SCAPER: variants seen among roughly 807,000 people sequenced by gnomAD.
SCAPER encodes S phase cyclin A-associated protein in the endoplasmic reticulum.
A neutral mutation model predicts 182.2 loss-of-function variants in SCAPER; 98 were observed. The ratio of observed to expected loss-of-function variants is 0.54; its 90% CI spans 0.46 to 0.64. SCAPER has a LOEUF of 0.64. Ranked by LOEUF, SCAPER falls within the 30% of genes least tolerant of loss-of-function variation. The pLI is 0.00. For missense variants in SCAPER, 1,432 were observed against 1,690.0 expected (o/e 0.85, Z 2.68); for synonymous variants, 605 against 564.6 (o/e 1.07, Z -1.01).
chr15:76,525,866 T>C (rs560105215), intron 23 of SCAPER, among the ~76,000 whole-genome samples: 1 of 152,306 alleles, frequency 6.6e-6, no homozygotes, highest in South Asian at 2.1e-4. Context: ...TTCTTTTGGG[T>C]ATACACCCAA....
intron 14 of SCAPER, among the ~76,000 whole-genome samples, chr15:76,761,833 A>C (rs955416136): frequency 2.6e-5 from 4 of 152,192 alleles, no homozygotes; most frequent in Non-Finnish European, 2.9e-5. Flanking sequence ...CAGCTGTTTC[A>C]TTACTGATTT....
intron 21 of SCAPER, among the ~76,000 whole-genome samples, chr15:76,660,898 C>CAAA (rs549792573): frequency 7.7e-5 from 11 of 143,760 alleles, no homozygotes; most frequent in Admixed American, 2.1e-4. Context: ...GGTTAATACG[C>CAAA]AAAAAAAAAA....
chr15:76,379,770 A>G (rs1027208285), intron 28 of SCAPER: 11 of 151,580 alleles, frequency 7.3e-5, no homozygotes, highest in African/African-American at 2.4e-4. Flanking sequence ...CTTTAGGCTT[A>G]AAGGCACTAG....
intron 26 of SCAPER, among the ~76,000 whole-genome samples, chr15:76,418,527 A>G (rs778576852): frequency 6.6e-5 from 10 of 152,232 alleles, no homozygotes; most frequent in Non-Finnish European, 1.3e-4. Context: ...AGCACAGATC[A>G]TCTCGGAACC....
chr15:76,644,431 T>C (rs1232351929), intron 21 of SCAPER, among the ~76,000 whole-genome samples: 1 of 152,158 alleles, frequency 6.6e-6, no homozygotes, highest in African/African-American at 2.4e-5. Flanking sequence ...TTTCTTACTT[T>C]TCATTTCTAA....
chr15:76,552,255 T>C (rs1437522551), intron 23 of SCAPER, among the ~76,000 whole-genome samples: 2 of 152,022 alleles, frequency 1.3e-5, no homozygotes, highest in African/African-American at 4.8e-5. Flanking sequence ...CACTCCCACC[T>C]GGGCAAGAGA....
At chr15:76,511,729 CT>C (rs1470058186) in intron 23 of SCAPER, among the ~76,000 whole-genome samples, 2 of 151,906 alleles carry the variant, frequency 1.3e-5, no homozygotes, top group African/African-American at 4.8e-5. Flanking sequence ...ACCATGTCTG[CT>C]TTATCATCAT....
chr15:76,655,715 A>C (rs2055579099), intron 21 of SCAPER, among the ~76,000 whole-genome samples: 1 of 152,352 alleles, frequency 6.6e-6, no homozygotes, highest in African/African-American at 2.4e-5. Context: ...TGGATCTTTC[A>C]GCAGAAACAC....
At chr15:76,587,892 C>T (rs966031626) in intron 22 of SCAPER, among the ~76,000 whole-genome samples, 3 of 151,726 alleles carry the variant, frequency 2.0e-5, no homozygotes, top group Non-Finnish European at 4.4e-5. Flanking sequence ...CCCACTATTA[C>T]TGTGCTACTG....
At chr15:76,679,072 G>C (rs956174682) in intron 20 of SCAPER, among the ~76,000 whole-genome samples, 1 of 152,118 alleles carries the variant, frequency 6.6e-6, no homozygotes, top group Non-Finnish European at 1.5e-5. Context: ...TTGTAATTAC[G>C]AATGTCTTGG....
At chr15:76,511,841 A>ATGTGTGTGTGTGTGTGTGTG (rs755966745) in intron 23 of SCAPER, among the ~76,000 whole-genome samples, 23 of 104,802 alleles carry the variant, frequency 2.2e-4, no homozygotes, top group South Asian at 1.6e-3. Flanking sequence ...ATATATATAT[A>ATGTGTGTGTGTGTGTGTGTG]TATGTGTGTG....
At chr15:76,419,864 T>A (rs967794386) in intron 26 of SCAPER, among the ~76,000 whole-genome samples, 6 of 152,284 alleles carry the variant, frequency 3.9e-5, no homozygotes, top group Non-Finnish European at 7.4e-5. Context: ...ATATACTTCA[T>A]GAACACAGAT....
intron 23 of SCAPER, among the ~76,000 whole-genome samples, chr15:76,536,365 G>GA (rs1215950741): frequency 1.3e-5 from 2 of 152,062 alleles, no homozygotes; most frequent in Admixed American, 6.5e-5. Flanking sequence ...TAAAAATTGG[G>GA]AAAAAAACCA....
At chr15:76,787,185 C>A (rs1417772056) in intron 8 of SCAPER, among the ~76,000 whole-genome samples, 2 of 151,950 alleles carry the variant, frequency 1.3e-5, no homozygotes, top group South Asian at 2.1e-4. Context: ...TAGCTAAAAA[C>A]AATTTTGAAA....
intron 24 of SCAPER, among the ~76,000 whole-genome samples, chr15:76,490,410 T>C (rs897980465): frequency 2.6e-5 from 4 of 152,222 alleles, no homozygotes; most frequent in Admixed American, 6.5e-5. Flanking sequence ...TCTTTTCATA[T>C]ATCTTTTGGC....
chr15:76,898,190 A>G (rs2074538926), intron 1 of SCAPER, among the ~76,000 whole-genome samples: 1 of 152,244 alleles, frequency 6.6e-6, no homozygotes, highest in African/African-American at 2.4e-5. Flanking sequence ...AATACATATC[A>G]AAGCCACAAT....
In SCAPER at chr15:76,877,804, A is replaced by G. The variant is rs772054466; in HGVS notation, c.6+6008T>C. Among the ~76,000 whole-genome samples, 39 of 152,214 alleles carry G rather than the reference A, an allele frequency of 2.6e-4. 1 individual carries two copies. Among genetic ancestry groups the G allele is most frequent in the Non-Finnish European group, 3.7e-4 (25 of 68,038 alleles). On this transcript the variant is annotated intron_variant, in intron 2 of 31. Transcript: ENST00000563290. ...CCAAACAGACCTGGCAACTAAATGG[A>G]TCAAGAAGAAAATAACTATAAAAGA...
At position 76,434,307 on chromosome 15, in the gene SCAPER, A is replaced by T. The variant is rs1392197275; in HGVS notation, c.3082T>A (p.Tyr1028Asn). The change falls in exon 26 of 32, where the codon TAT (tyrosine) becomes AAT (asparagine). Residue 1028 changes from tyrosine (Y) to asparagine (N), a missense_variant. This residue lies in a region of SCAPER where 718 missense variants were observed against 799.7 expected (regional missense o/e 0.90). Coordinates refer to ENST00000563290, the MANE Select transcript of SCAPER (RefSeq NM_020843.4). ...MDLLIHQLTV[Y>N]VPDENNTILG... The stretch of plus-strand genomic sequence containing the variant: ...ATAGTATTATTTTCATCTGGAACAT[A>T]AACCTAGATGAAAAAAAAGTACAGT... 1 of 1,600,168 alleles carries T rather than the reference A, an allele frequency of 6.2e-7. No homozygotes were observed. Among genetic ancestry groups the T allele is most frequent in the African/African-American group, 1.3e-5 (1 of 74,258 alleles).
chr15:76,374,409 G>T (rs2042391781), intron 29 of SCAPER, among the ~76,000 whole-genome samples: 1 of 151,494 alleles, frequency 6.6e-6, no homozygotes, highest in African/African-American at 2.4e-5. Context: ...AAAGTTTAGA[G>T]TAAGAGTTAA....
Sources: allele counts gnomAD v4.1 joint callset (sites outside exome capture counted in the v4.1 genomes callset), GRCh38; gene constraint gnomAD v4.1.1; regional missense constraint gnomAD v4.1.1; transcripts MANE v1.5; gene names NCBI Gene and HGNC (gene_info 2026-07-23, HGNC 2026-07-21).